The following ANKFN1 variants were observed in gnomAD, a reference collection of about 807,000 sequenced individuals.
The protein encoded by ANKFN1 is ankyrin repeat and fibronectin type-III domain-containing protein 1.
A neutral mutation model predicts 108.7 loss-of-function variants in ANKFN1; 74 were observed. The observed-to-expected ratio is 0.68, with a 90% CI of 0.56 to 0.83. The LOEUF (loss-of-function observed/expected upper bound fraction) is 0.83, where lower values mean the gene tolerates loss of function less well. ANKFN1 is among the 40% of genes least tolerant of loss of function. The pLI is 0.00. For synonymous variants in ANKFN1, 547 were observed against 516.2 expected (o/e 1.06, Z -0.81); for missense variants, 1,505 against 1,382.3 (o/e 1.09, Z -1.41).
At chr17:56,399,846 TATATATA>T (rs371501766) in intron 8 of ANKFN1, among the ~76,000 whole-genome samples, 78,376 of 114,390 alleles carry the variant, frequency 0.69, 24,832 homozygotes, top group East Asian at 0.87. Context: ...CCATTTTTTA[TATATATA>T]TATATATATA....
intron 2 of ANKFN1, among the ~76,000 whole-genome samples, chr17:56,221,619 A>G (rs1202387811): frequency 1.3e-5 from 2 of 152,216 alleles, no homozygotes; most frequent in African/African-American, 2.4e-5. Flanking sequence ...AAGTCCAAAT[A>G]TAATTTGAAG....
intron 8 of ANKFN1, among the ~76,000 whole-genome samples, chr17:56,419,355 C>T (rs1204899259): frequency 2.6e-5 from 4 of 152,004 alleles, no homozygotes; most frequent in East Asian, 1.9e-4. Flanking sequence ...TGGTGGCAAG[C>T]GCCTGTAATC....
Position 56,478,753 on chromosome 17 carries a change from T to A in ANKFN1, c.1940+1099T>A, listed in dbSNP as rs150230636. ...AAAAAAAGAAAGAAATTATCCAGAATTCTTCAGACCTCAAAGGGCATAAAC... is the reference window on the plus strand; with the variant it reads ...AAAAAAAGAAAGAAATTATCCAGAAATCTTCAGACCTCAAAGGGCATAAAC... On this transcript the variant is annotated intron_variant, in intron 16 of 20. Coordinates refer to ENST00000682825, the MANE Select transcript of ANKFN1 (RefSeq NM_001370326.1). 1.4e-3 allele frequency among the ~76,000 whole-genome samples: 211 copies of A among 152,028 alleles called. 2 individuals carry two copies. The South Asian group carries it at 0.019, about 14-fold the overall frequency.
chr17:56,290,604 T>G (rs1041308820), intron 3 of ANKFN1, among the ~76,000 whole-genome samples: 1 of 152,134 alleles, frequency 6.6e-6, no homozygotes, highest in Non-Finnish European at 1.5e-5. Flanking sequence ...TGGGGAAACA[T>G]GCAAACTAAA....
chr17:56,081,049 G>A (rs1430487321), intron 4 of ANKFN1, among the ~76,000 whole-genome samples: 1 of 152,150 alleles, frequency 6.6e-6, no homozygotes, highest in Non-Finnish European at 1.5e-5. Context: ...CAAAGACCTG[G>A]CCCCTTGCCT....
At chr17:56,494,581 TAAAAA>T (rs2051138946) in intron 19 of ANKFN1, among the ~76,000 whole-genome samples, 1 of 151,842 alleles carries the variant, frequency 6.6e-6, no homozygotes, top group Non-Finnish European at 1.5e-5. Context: ...AAATAAAAAA[TAAAAA>T]GAAGTCAAGG....
At chr17:56,485,239 A>G (rs2050819935) in intron 18 of ANKFN1, among the ~76,000 whole-genome samples, 2 of 152,242 alleles carry the variant, frequency 1.3e-5, no homozygotes, top group South Asian at 4.1e-4. Context: ...TAATATTGTA[A>G]ATATCAGAGA....
chr17:56,457,071 C>A, intron 12 of ANKFN1, 111 bp downstream of exon 12: 2 of 1,212,172 alleles, frequency 1.6e-6, no homozygotes, highest in Non-Finnish European at 2.3e-6. Context: ...CAATAAAATT[C>A]ACTTTTCTCC....
chr17:56,327,503 G>A (rs929474565), intron 4 of ANKFN1, among the ~76,000 whole-genome samples: 5 of 152,150 alleles, frequency 3.3e-5, no homozygotes, highest in African/African-American at 1.2e-4. Flanking sequence ...CCAAAGTTAG[G>A]AAACTGGAGA....
At position 56,054,306 on chromosome 17, in the gene ANKFN1, A is replaced by G. The variant is rs569671650; in HGVS notation, c.288+7981A>G. On this transcript the variant is annotated intron_variant, in intron 4 of 12. Transcript: ENST00000635860. ...TTTTTATTTAATCCTCACAACAGCCATGAAAAATAGCCACCATCCATATCT... is the reference window on the plus strand; with the variant it reads ...TTTTTATTTAATCCTCACAACAGCCGTGAAAAATAGCCACCATCCATATCT... Among the ~76,000 whole-genome samples, 12 of 152,344 alleles carry G rather than the reference A, an allele frequency of 7.9e-5. No homozygotes were observed. In the South Asian group the frequency reaches 1.5e-3, roughly 18 times the overall value.
chr17:56,274,962 T>C (rs924479855), intron 3 of ANKFN1, among the ~76,000 whole-genome samples: 1 of 152,202 alleles, frequency 6.6e-6, no homozygotes, highest in Non-Finnish European at 1.5e-5. Context: ...ATCTGTAAAA[T>C]GGACTGAATA....
At chr17:56,322,446 T>C (rs769546301) in intron 3 of ANKFN1, among the ~76,000 whole-genome samples, 8 of 152,158 alleles carry the variant, frequency 5.3e-5, no homozygotes, top group Non-Finnish European at 1.0e-4. Flanking sequence ...AATCAACTGT[T>C]CTGGCATTCT....
At chr17:56,271,706 A>C (rs1174664346) in intron 3 of ANKFN1, among the ~76,000 whole-genome samples, 1 of 152,036 alleles carries the variant, frequency 6.6e-6, no homozygotes, top group African/African-American at 2.4e-5. Flanking sequence ...AAACCCTTGG[A>C]ATATTAGAAG....
At chr17:56,469,979 C>T (rs2050260952) in intron 15 of ANKFN1, among the ~76,000 whole-genome samples, 1 of 152,048 alleles carries the variant, frequency 6.6e-6, no homozygotes, top group Admixed American at 6.6e-5. Context: ...GGTTGTTCCC[C>T]TCCCTGTGTC....
At chr17:56,265,088 A>G (rs2043614742) in intron 3 of ANKFN1, among the ~76,000 whole-genome samples, 2 of 152,174 alleles carry the variant, frequency 1.3e-5, no homozygotes, top group Non-Finnish European at 2.9e-5. Flanking sequence ...ATAATAATAA[A>G]TGTTGATATA....
At chr17:56,100,174 G>T (rs1905615308) in intron 4 of ANKFN1, among the ~76,000 whole-genome samples, 1 of 152,212 alleles carries the variant, frequency 6.6e-6, no homozygotes, top group Non-Finnish European at 1.5e-5. Context: ...CCAGAAACCA[G>T]AAAGAACTTG....
At chr17:56,236,112 C>T (rs1917120209) in intron 3 of ANKFN1, among the ~76,000 whole-genome samples, 1 of 151,762 alleles carries the variant, frequency 6.6e-6, no homozygotes, top group African/African-American at 2.4e-5. Flanking sequence ...GGCTGGAGTG[C>T]AGTGGCATGA....
chr17:56,364,847 AC>A (rs1330956251), intron 6 of ANKFN1, among the ~76,000 whole-genome samples: 1 of 152,228 alleles, frequency 6.6e-6, no homozygotes, highest in Non-Finnish European at 1.5e-5. Context: ...TTAAAATGAA[AC>A]ATTTAATCTC....
At chr17:56,357,202 C>T (rs1398741221) in intron 6 of ANKFN1, among the ~76,000 whole-genome samples, 1 of 152,148 alleles carries the variant, frequency 6.6e-6, no homozygotes, top group East Asian at 1.9e-4. Context: ...GAGATACGAC[C>T]ACATATAGAC....
Sources: allele counts gnomAD v4.1 joint callset (sites outside exome capture counted in the v4.1 genomes callset), GRCh38; gene constraint gnomAD v4.1.1; transcripts MANE v1.5; gene names NCBI Gene and HGNC (gene_info 2026-07-23, HGNC 2026-07-21).